Variants in MINDY4 observed in about 807,000 individuals in gnomAD.
MINDY4 encodes MINDY lysine 48 deubiquitinase 4.
Under a neutral mutation model 87.0 loss-of-function variants are expected in MINDY4, and 68 were observed. The observed-to-expected ratio is 0.78, with a 90% CI of 0.64 to 0.96. The LOEUF (loss-of-function observed/expected upper bound fraction) is 0.96. Ranked by LOEUF, MINDY4 falls within the 40% of genes least tolerant of loss-of-function variation. MINDY4 has a pLI of 0.00. For synonymous variants in MINDY4, 379 were observed against 363.2 expected, an observed-to-expected ratio of 1.04 and a Z score of -0.50; for missense variants, 919 against 928.2, an observed-to-expected ratio of 0.99 and a Z score of 0.13.
intron 17 of MINDY4, among the ~76,000 whole-genome samples, chr7:30,886,230 A>G (rs964780106): frequency 6.6e-6 from 1 of 152,164 alleles, no homozygotes; most frequent in Non-Finnish European, 1.5e-5. Context: ...GTGGGCAGGT[A>G]GAATTCCCCC....
chr7:30,801,616 A>T (rs1294251972), intron 5 of MINDY4, among the ~76,000 whole-genome samples: 2 of 152,230 alleles, frequency 1.3e-5, no homozygotes, highest in African/African-American at 4.8e-5. Flanking sequence ...GAAAGTAGGC[A>T]CAGGAGATTA....
In MINDY4 at chr7:30,771,449, C is replaced by T. The variant is rs756024685; in HGVS notation, c.-45C>T. The T allele has an allele frequency of 7.0e-6, 11 of 1,579,210 alleles. No homozygotes were observed. In the African/African-American group the frequency reaches 1.1e-4, roughly 15 times the overall value. On this transcript the variant is annotated 5_prime_UTR_variant, in exon 1 of 18. Coordinates refer to ENST00000265299, the MANE Select transcript of MINDY4 (RefSeq NM_032222.3). ...GCCGGACAGACCCAGTTGCCTGGTG[C>T]TGCGGCCCGGCGTGGGCCTCGTGGG...
intron 5 of MINDY4, among the ~76,000 whole-genome samples, chr7:30,818,876 T>G (rs148634521): frequency 6.6e-6 from 1 of 152,360 alleles, no homozygotes; most frequent in African/African-American, 2.4e-5. Flanking sequence ...TTATTCATAC[T>G]AGTTTCTTCT....
At chr7:30,848,969 A>T (rs1789314032) in intron 9 of MINDY4, among the ~76,000 whole-genome samples, 1 of 152,178 alleles carries the variant, frequency 6.6e-6, no homozygotes, top group East Asian at 1.9e-4. Context: ...TGGTCCAGGG[A>T]CCTTACAAAC....
At chr7:30,814,011 A>G (rs1289198328) in intron 5 of MINDY4, among the ~76,000 whole-genome samples, 2 of 152,216 alleles carry the variant, frequency 1.3e-5, no homozygotes, top group African/African-American at 4.8e-5. Flanking sequence ...TCTGTGCCCA[A>G]GGAGACCTTT....
rs12672119 is a variant in MINDY4, at chr7:30,791,565, C to T, written c.1064C>T (p.Ala355Val). 65,485 of 1,610,512 alleles carry T rather than the reference C, an allele frequency of 0.041. 2,523 individuals are homozygous for T. The highest frequency in any genetic ancestry group is 0.19 in the East Asian group (8,631 of 44,822). The change falls in exon 5 of 18, where the codon GCA (alanine) becomes GTA (valine). Residue 355 changes from alanine (A) to valine (V), a missense_variant. By Grantham distance (64) the Ala-to-Val change is moderately conservative. Coordinates refer to ENST00000265299, the MANE Select transcript of MINDY4 (RefSeq NM_032222.3). ...TTCAAACGGCAGGGCAGCCAGCCCG[C>T]ACCTGTCAGGTGAGTGTGCTATGCA... ...RAFKRQGSQP[A>V]PVRKNQLLPS...
At chr7:30,870,369 C>A (rs1204560955) in intron 13 of MINDY4, among the ~76,000 whole-genome samples, 1 of 152,192 alleles carries the variant, frequency 6.6e-6, no homozygotes, top group Non-Finnish European at 1.5e-5. Context: ...CTGCAGAGAG[C>A]ATTTCCATCA....
chr7:30,882,382 AC>A, intron 16 of MINDY4, 21 bp downstream of exon 16: 1 of 839,008 alleles, frequency 1.2e-6, no homozygotes, highest in Non-Finnish European at 1.5e-6. Context: ...TCACCCCCCC[AC>A]CCACCCAACC....
chr7:30,789,859 T>G (rs57996207), intron 4 of MINDY4, among the ~76,000 whole-genome samples: 1 of 152,150 alleles, frequency 6.6e-6, no homozygotes, highest in South Asian at 2.1e-4. Flanking sequence ...CCTCTACTCA[T>G]CTTTGACGGT....
At chr7:30,808,711 C>T (rs935912449) in intron 5 of MINDY4, among the ~76,000 whole-genome samples, 1 of 152,098 alleles carries the variant, frequency 6.6e-6, no homozygotes, top group Non-Finnish European at 1.5e-5. Flanking sequence ...TGGACAGGTC[C>T]CTTGTTTCAA....
At chr7:30,830,656 A>G (rs1420991487) in intron 6 of MINDY4, among the ~76,000 whole-genome samples, 1 of 152,198 alleles carries the variant, frequency 6.6e-6, no homozygotes, top group Non-Finnish European at 1.5e-5. Flanking sequence ...CCCATGATTC[A>G]ATTACCTCCC....
At position 30,791,488 on chromosome 7, in the gene MINDY4, C is replaced by T; in HGVS notation, c.987C>T (p.Leu329=). The change falls in exon 5 of 18, where the codon CTC becomes CTT. Residue 329 remains leucine, a synonymous_variant. Transcript: ENST00000265299. The part of the protein sequence containing the change: ...STDTDRMPLK[L]YLPGGNSRMT... ...ACACGGACAGGATGCCCTTGAAGCT[C>T]TACTTGCCTGGTGGTAATTCCAGGA... The T allele has an allele frequency of 1.2e-6, 2 of 1,613,982 alleles. No homozygotes were observed. The highest frequency in any genetic ancestry group is 2.2e-5 in the East Asian group (1 of 44,830).
At chr7:30,795,676 G>A (rs891458879) in intron 5 of MINDY4, among the ~76,000 whole-genome samples, 6 of 152,178 alleles carry the variant, frequency 3.9e-5, no homozygotes, top group African/African-American at 1.4e-4. Flanking sequence ...GGAGGTCAGA[G>A]GTCTGAAGGA....
At position 30,865,314 on chromosome 7, in the gene MINDY4, A is replaced by C. The variant is rs141259132; in HGVS notation, c.1745+5990A>C. 3.3e-5 allele frequency among the ~76,000 whole-genome samples: 5 copies of C among 152,338 alleles called. No homozygotes were observed. The East Asian group carries it at 9.7e-4, about 29-fold the overall frequency. ...CAGGAGAAGAGGAACTTCCTCAATA[A>C]ACTCCAGCCGAACTTTGACACTGAT... On this transcript the variant is annotated intron_variant, in intron 13 of 17. Coordinates refer to ENST00000265299, the MANE Select transcript of MINDY4 (RefSeq NM_032222.3).
At chr7:30,866,269 G>A (rs1402742061) in intron 13 of MINDY4, among the ~76,000 whole-genome samples, 3 of 152,208 alleles carry the variant, frequency 2.0e-5, no homozygotes, top group Non-Finnish European at 4.4e-5. Flanking sequence ...GCAGGGCCAG[G>A]TGCGCAGAGA....
intron 7 of MINDY4, among the ~76,000 whole-genome samples, chr7:30,838,252 G>T (rs556078507): frequency 3.9e-5 from 6 of 152,280 alleles, no homozygotes; most frequent in Non-Finnish European, 8.8e-5. Flanking sequence ...GGGTTGATGG[G>T]AAATGAACAG....
In MINDY4 at chr7:30,842,261, C is replaced by T. The variant is rs74820574; in HGVS notation, c.1445+1413C>T. 8.1e-3 allele frequency among the ~76,000 whole-genome samples: 1,231 copies of T among 152,320 alleles called. 19 individuals are homozygous for T. Among genetic ancestry groups the T allele is most frequent in the African/African-American group, 0.028 (1,181 of 41,570 alleles). Reference sequence around the variant, plus strand: ...CTTCCCCTCCCCTTTGCTCTCCGGTCGATCCTTCGTGGCTCTTGTCTGTAC... The same window carrying T: ...CTTCCCCTCCCCTTTGCTCTCCGGTTGATCCTTCGTGGCTCTTGTCTGTAC... On this transcript the variant is annotated intron_variant, in intron 9 of 17. Transcript: ENST00000265299.
intron 9 of MINDY4, among the ~76,000 whole-genome samples, chr7:30,842,879 C>T (rs1052257608): frequency 7.9e-5 from 12 of 152,202 alleles, no homozygotes; most frequent in African/African-American, 2.9e-4. Context: ...TGTGCTCAGG[C>T]GCTGTGCCTG....
intron 5 of MINDY4, among the ~76,000 whole-genome samples, chr7:30,808,364 G>A (rs1279547783): frequency 6.6e-6 from 1 of 152,152 alleles, no homozygotes; most frequent in Non-Finnish European, 1.5e-5. Context: ...TGGATTGCTT[G>A]ATACTTTGGT....
Sources: gnomAD v4.1 joint callset for allele counts (sites outside exome capture counted in the v4.1 genomes callset) on GRCh38, gnomAD v4.1.1 for gene constraint, MANE v1.5 for transcripts, NCBI Gene and HGNC (gene_info 2026-07-23, HGNC 2026-07-21) for gene names.